The following CLSTN1 variants were observed in gnomAD, a reference collection of about 807,000 sequenced individuals.
The protein encoded by CLSTN1 is calsyntenin 1, also known as calsyntenin-1.
A neutral mutation model predicts 108.3 loss-of-function variants in CLSTN1; 28 were observed. That is an observed-to-expected ratio of 0.26 (90% CI 0.19 to 0.35). CLSTN1 has a LOEUF of 0.35. CLSTN1 is among the 10% of genes least tolerant of loss of function. The pLI, the probability that CLSTN1 is intolerant of heterozygous loss-of-function variation, is 1.00. For missense variants in CLSTN1, 1,157 were observed against 1,302.6 expected (o/e 0.89, Z 1.72); for synonymous variants, 524 against 534.9 (o/e 0.98, Z 0.28).
chr1:9,749,356 A>C, intron 7 of CLSTN1, 105 bp downstream of exon 7: 1 of 1,109,024 alleles, frequency 9.0e-7, no homozygotes, highest in Non-Finnish European at 1.3e-6. Context: ...ATTCTCTGTC[A>C]CAGTTTATAA....
intron 2 of CLSTN1, among the ~76,000 whole-genome samples, chr1:9,758,042 A>T (rs1024435603): frequency 6.6e-6 from 1 of 151,678 alleles, no homozygotes; most frequent in African/African-American, 2.4e-5. Flanking sequence ...CTTGTTGCCC[A>T]GGATGGAGTA....
At chr1:9,786,012 C>CA (rs764875685) in intron 1 of CLSTN1, among the ~76,000 whole-genome samples, 40 of 151,828 alleles carry the variant, frequency 2.6e-4, no homozygotes, top group Non-Finnish European at 5.4e-4. Context: ...CCTGTCTCTA[C>CA]AAAAAATAGG....
chr1:9,786,879 G>C (rs1187252104), intron 1 of CLSTN1, among the ~76,000 whole-genome samples: 1 of 151,316 alleles, frequency 6.6e-6, no homozygotes, highest in Non-Finnish European at 1.5e-5. Flanking sequence ...AAAGACCAGG[G>C]AATGAGCAGG....
chr1:9,791,040 G>A (rs1295393462), intron 1 of CLSTN1, among the ~76,000 whole-genome samples: 2 of 150,312 alleles, frequency 1.3e-5, no homozygotes, highest in African/African-American at 4.9e-5. Context: ...GCCGAGGCAG[G>A]AGAATGGCGT....
intron 1 of CLSTN1, among the ~76,000 whole-genome samples, chr1:9,810,058 GAGAA>G (rs1654668678): frequency 1.6e-5 from 1 of 60,906 alleles, no homozygotes; most frequent in African/African-American, 5.5e-5. Flanking sequence ...GAGAAAGAGA[GAGAA>G]AGAGAGGGAG....
Position 9,823,082 on chromosome 1 carries a change from G to C in CLSTN1, c.91+561C>G, listed in dbSNP as rs1201104027. ...ACTCTGGGAGGAGGCGGAAAGGGGC[G>C]AAGTCGTGGTGTCCGCGGTGCAGCA... On this transcript the variant is annotated intron_variant, in intron 1 of 18. Coordinates refer to ENST00000377298, the MANE Select transcript of CLSTN1 (RefSeq NM_001009566.3). This position sits in a 1 kb window ranked among gnomAD's most constrained non-coding sequence, Gnocchi z 6.3. Among the ~76,000 whole-genome samples the C allele has an allele frequency of 6.6e-6, 1 of 152,238 alleles. No homozygotes were observed. The highest frequency in any genetic ancestry group is 1.5e-5 in the Non-Finnish European group (1 of 68,044).
intron 2 of CLSTN1, among the ~76,000 whole-genome samples, chr1:9,768,932 G>T (rs544917070): frequency 1.4e-5 from 2 of 139,618 alleles, no homozygotes; most frequent in African/African-American, 2.6e-5. Context: ...AAGGAGAAAG[G>T]GAAAGAGGGA....
chr1:9,753,376 T>C (rs1651651454), intron 4 of CLSTN1, among the ~76,000 whole-genome samples: 1 of 152,154 alleles, frequency 6.6e-6, no homozygotes, highest in Non-Finnish European at 1.5e-5. Context: ...ACCCCTGTTC[T>C]ATGTTGTCTT....
intron 9 of CLSTN1, among the ~76,000 whole-genome samples, chr1:9,741,566 G>A (rs1269606111): frequency 3.9e-5 from 6 of 152,128 alleles, no homozygotes; most frequent in African/African-American, 1.2e-4. Context: ...ACCCACCCTC[G>A]AAAGGGTTGA....
At chr1:9,746,708 T>C (rs1651284181) in intron 7 of CLSTN1, among the ~76,000 whole-genome samples, 1 of 151,042 alleles carries the variant, frequency 6.6e-6, no homozygotes, top group African/African-American at 2.4e-5. Context: ...TGAGACTCTG[T>C]CTCAAAAGAA....
At chr1:9,786,283 T>C (rs17034340) in intron 1 of CLSTN1, among the ~76,000 whole-genome samples, 18,941 of 152,126 alleles carry the variant, frequency 0.12, 1,494 homozygotes, top group South Asian at 0.3. Context: ...TTTCCCTGCA[T>C]TTATTCACTT....
intron 1 of CLSTN1, among the ~76,000 whole-genome samples, chr1:9,774,428 T>C (rs1326696895): frequency 3.3e-5 from 5 of 151,922 alleles, no homozygotes; most frequent in Admixed American, 3.3e-4. Flanking sequence ...GAGCCAGGTG[T>C]GGTGGCACAC....
At chr1:9,747,984 C>T (rs918487247) in intron 7 of CLSTN1, among the ~76,000 whole-genome samples, 20 of 151,158 alleles carry the variant, frequency 1.3e-4, no homozygotes, top group African/African-American at 4.6e-4. Flanking sequence ...GCGGAGCTTG[C>T]AGTGAGCCGA....
At chr1:9,812,192 A>G (rs1354458416) in intron 1 of CLSTN1, among the ~76,000 whole-genome samples, 1 of 152,176 alleles carries the variant, frequency 6.6e-6, no homozygotes, top group African/African-American at 2.4e-5. Flanking sequence ...TTAGTCCCCC[A>G]GATCATACAC....
At chr1:9,804,236 G>A (rs1243192811) in intron 1 of CLSTN1, among the ~76,000 whole-genome samples, 2 of 151,904 alleles carry the variant, frequency 1.3e-5, no homozygotes, top group East Asian at 1.9e-4. Context: ...GGTGGCGGGC[G>A]CCTGTAGTCC....
chr1:9,816,576 G>T (rs889278516), intron 1 of CLSTN1, among the ~76,000 whole-genome samples: 3 of 55,734 alleles, frequency 5.4e-5, no homozygotes, highest in Non-Finnish European at 2.7e-4. Context: ...GAAAAAGGTG[G>T]GTTTTTTTGT....
chr1:9,739,033 A>G (rs555546321), intron 10 of CLSTN1, among the ~76,000 whole-genome samples: 17 of 152,336 alleles, frequency 1.1e-4, no homozygotes, highest in Admixed American at 8.5e-4. Flanking sequence ...ATTAATGATG[A>G]TGATACCTTG....
chr1:9,750,843 G>T (rs185034095), intron 5 of CLSTN1, among the ~76,000 whole-genome samples: 1 of 152,138 alleles, frequency 6.6e-6, no homozygotes, highest in African/African-American at 2.4e-5. Context: ...CTGAGGTCAG[G>T]AGTTCAAGAC....
intron 11 of CLSTN1, 65 bp from the exon 12 acceptor site, chr1:9,736,107 A>G: frequency 6.3e-7 from 1 of 1,597,272 alleles, no homozygotes. Context: ...CTCACTTCTC[A>G]CTCAACACGG....
Sources: gnomAD v4.1 joint callset for allele counts (sites outside exome capture counted in the v4.1 genomes callset) on GRCh38, gnomAD v4.1.1 for gene constraint, Gnocchi (gnomAD v3.1) non-coding constraint, MANE v1.5 for transcripts, NCBI Gene and HGNC (gene_info 2026-07-23, HGNC 2026-07-21) for gene names.